BCL2L11: variants seen among roughly 807,000 people sequenced by gnomAD.
The protein encoded by BCL2L11 is BCL2 like 11.
In BCL2L11, 15 loss-of-function variants were observed where a neutral mutation model predicts 20.6. The observed-to-expected ratio is 0.73, with a 90% CI of 0.49 to 1.12. The LOEUF (loss-of-function observed/expected upper bound fraction) is 1.12. BCL2L11 is among the 50% of genes most tolerant of loss of function. The pLI is 0.00. For missense variants in BCL2L11, 292 were observed against 260.9 expected (o/e 1.12, Z -0.82); for synonymous variants, 108 against 92.8 (o/e 1.16, Z -0.94).
Position 111,164,388 on chromosome 2 carries a change from C to A in BCL2L11, c.*157C>A. The A allele has an allele frequency of 1.7e-6, 1 of 599,804 alleles. No homozygotes were observed. The highest frequency in any genetic ancestry group is 3.0e-6 in the Non-Finnish European group (1 of 328,878). The allele number at this position is 599,804 out of a possible 1,614,324, so 37.2% of individuals were successfully genotyped here. On this transcript the variant is annotated 3_prime_UTR_variant, in exon 4 of 4. Coordinates refer to ENST00000393256, the MANE Select transcript of BCL2L11 (RefSeq NM_138621.5). ...TCAGAAGACACCGAGCTGGATGGGA[C>A]TACCTTTCTGTTCATCACCACACAG...
rs921923347 is a variant in BCL2L11 at position 111,161,442 on chromosome 2, A to G, written c.499-2691A>G. On this transcript the variant is annotated intron_variant, in intron 3 of 3. Transcript: ENST00000393256. ...AGATGCCTCTTCCACCTGATTAAGA[A>G]CCACTGTAGCAGACGCAGACTTATT... 1.9e-6 allele frequency: 3 copies of G among 1,550,446 alleles called. No individual in the cohort carries two copies. In the African/African-American group the frequency reaches 4.1e-5, roughly 21 times the overall value.
At chr2:111,155,559 TCCC>T (rs1387080676) in intron 3 of BCL2L11, among the ~76,000 whole-genome samples, 1 of 152,148 alleles carries the variant, frequency 6.6e-6, no homozygotes, top group Non-Finnish European at 1.5e-5. Context: ...CCAACATGCC[TCCC>T]TCTTTCCCCT....
At chr2:111,138,888 A>G (rs2075355282) in intron 2 of BCL2L11, among the ~76,000 whole-genome samples, 1 of 152,128 alleles carries the variant, frequency 6.6e-6, no homozygotes, top group South Asian at 2.1e-4. Context: ...GAGTTTTTCC[A>G]TAAGCAAATC....
At position 111,153,980 on chromosome 2, in the gene BCL2L11, G is replaced by A. The variant is rs2077533925; in HGVS notation, c.498+3833G>A. ...CATTCCCAGGTGAACCTGCCGGGCT[G>A]AACGGCCTGGCCCCTCTATTCAGTC... On this transcript the variant is annotated intron_variant, in intron 3 of 3. Transcript: ENST00000393256. 4.3e-6 allele frequency: 6 copies of A among 1,403,132 alleles called. No homozygotes were observed. In the South Asian group the frequency reaches 8.1e-5, roughly 19 times the overall value. 86.9% of individuals were successfully genotyped at this position (1,403,132 alleles called of 1,614,324 possible).
chr2:111,165,938 CT>C lies in BCL2L11; in HGVS notation c.*1712del, dbSNP rs1465161481. On this transcript the variant is annotated 3_prime_UTR_variant, in exon 4 of 4. Transcript: ENST00000393256. ...TATATATGTATATATTGCATATTCACTTTTTCCTTTAGGTAGAGATGATTTC... is the reference window on the plus strand; with the variant it reads ...TATATATGTATATATTGCATATTCACTTTTCCTTTAGGTAGAGATGATTTC... The C allele has an allele frequency of 1.3e-5, 2 of 152,168 alleles. No homozygotes were observed. The highest frequency in any genetic ancestry group is 3.8e-4 in the East Asian group (2 of 5,196). 9.4% of individuals were successfully genotyped at this position (152,168 alleles called of 1,614,324 possible).
rs2150619843 is a variant in BCL2L11, at chr2:111,166,258, A to AG, written c.*2028dup. 6.5e-6 allele frequency: 1 copy of AG among 152,928 alleles called. No individual in the cohort carries two copies. The highest frequency in any genetic ancestry group is 2.1e-4 in the South Asian group (1 of 4,836). 9.5% of individuals were successfully genotyped at this position (152,928 alleles called of 1,614,324 possible). Reference sequence around the variant, plus strand: ...CTTTACTCTGTTTCCTCAGCCCTGCAGCCCCTGGGAGCACACACTGGGTGC... The same window carrying AG: ...CTTTACTCTGTTTCCTCAGCCCTGCAGGCCCCTGGGAGCACACACTGGGTGC... On this transcript the variant is annotated 3_prime_UTR_variant, in exon 4 of 4. Coordinates refer to ENST00000393256, the MANE Select transcript of BCL2L11 (RefSeq NM_138621.5).
chr2:111,133,237 G>T (rs1225701293), intron 2 of BCL2L11, among the ~76,000 whole-genome samples: 1 of 152,218 alleles, frequency 6.6e-6, no homozygotes, highest in Non-Finnish European at 1.5e-5. Flanking sequence ...TAGAATGGCA[G>T]CCTGCCAAAC....
chr2:111,144,666 C>A (rs1171862754), intron 2 of BCL2L11: 18 of 1,114,830 alleles, frequency 1.6e-5, no homozygotes, highest in Admixed American at 2.7e-5. Flanking sequence ...TGGAATTTTT[C>A]TTTCTCTAAA....
chr2:111,128,206 C>T lies in BCL2L11; in HGVS notation c.394+4067C>T, dbSNP rs72948329. ...GAAATTTATATAGTATTTGCTCTTC[C>T]ATGACAGGCTTATTTCACTTAGCGT... On this transcript the variant is annotated intron_variant, in intron 2 of 3. Coordinates refer to ENST00000393256, the MANE Select transcript of BCL2L11 (RefSeq NM_138621.5). Among the ~76,000 whole-genome samples, 490 of 152,222 alleles carry T rather than the reference C, an allele frequency of 3.2e-3. 4 individuals are homozygous for T. The highest frequency in any genetic ancestry group is 0.011 in the African/African-American group (467 of 41,548).
chr2:111,158,980 T>G (rs1381544736), intron 3 of BCL2L11, among the ~76,000 whole-genome samples: 1 of 152,230 alleles, frequency 6.6e-6, no homozygotes, highest in African/African-American at 2.4e-5. Flanking sequence ...GCCCAGTGGG[T>G]GTCAGCCCTG....
chr2:111,124,082 T>A lies in BCL2L11; in HGVS notation c.337T>A (p.Ser113Thr), dbSNP rs766706600. ...RSPAPMSCDK[S>T]TQTPSPPCQA... ...CCCAGCACCCATGAGTTGTGACAAA[T>A]CAACACAAACCCCAAGTCCTCCTTG... is the stretch of plus-strand genomic sequence containing the variant. The change falls in exon 2 of 4, where the codon TCA (serine) becomes ACA (threonine). Residue 113 changes from serine to threonine, a missense_variant. By Grantham distance (58) the Ser-to-Thr change is moderately conservative. Transcript: ENST00000393256. 1 of 1,614,062 alleles carries A rather than the reference T, an allele frequency of 6.2e-7. No homozygotes were observed. The highest frequency in any genetic ancestry group is 8.5e-7 in the Non-Finnish European group (1 of 1,180,004).
At chr2:111,142,376 G>C in intron 2 of BCL2L11, 1 of 1,550,452 alleles carries the variant, frequency 6.4e-7, no homozygotes, top group Non-Finnish European at 8.7e-7. Flanking sequence ...CCACTCAAGT[G>C]GTTAGCAAAA....
rs201362310 is a variant in BCL2L11, at chr2:111,139,225, G to C, written c.395-10819G>C. Among the ~76,000 whole-genome samples, 14 of 152,266 alleles carry C rather than the reference G, an allele frequency of 9.2e-5. No homozygotes were observed. In the East Asian group the frequency reaches 2.7e-3, roughly 29 times the overall value. On this transcript the variant is annotated intron_variant, in intron 2 of 3. Coordinates refer to ENST00000393256, the MANE Select transcript of BCL2L11 (RefSeq NM_138621.5). Reference sequence around the variant, plus strand: ...CAGTGAACCAAACATCACCTGAGAAGAACCTCAGCTTCTTGGGTAAATCAT... The same window carrying C: ...CAGTGAACCAAACATCACCTGAGAACAACCTCAGCTTCTTGGGTAAATCAT...
In BCL2L11 at chr2:111,150,026, T is replaced by C; in HGVS notation, c.395-18T>C. The C allele has an allele frequency of 6.2e-7, 1 of 1,608,522 alleles. No individual in the cohort carries two copies. Among genetic ancestry groups the C allele is most frequent in the Admixed American group, 1.7e-5 (1 of 59,892 alleles). ...GTGGACCACAATGTGATTTTTGTTT[T>C]GTTTTGTTCTGATGCAGCTTCCATG... On this transcript the variant is annotated intron_variant, in intron 2 of 3. Coordinates refer to ENST00000393256, the MANE Select transcript of BCL2L11 (RefSeq NM_138621.5).
At chr2:111,151,012 C>G (rs1286587437) in intron 3 of BCL2L11, among the ~76,000 whole-genome samples, 1 of 152,168 alleles carries the variant, frequency 6.6e-6, no homozygotes, top group African/African-American at 2.4e-5. Context: ...TCAAGTGATT[C>G]TCCTGCCTCA....
At chr2:111,125,300 A>G (rs533573990) in intron 2 of BCL2L11, among the ~76,000 whole-genome samples, 20 of 152,346 alleles carry the variant, frequency 1.3e-4, no homozygotes, top group African/African-American at 4.8e-4. Flanking sequence ...CTTTGGGTAC[A>G]TACTTTGGGT....
At position 111,164,555 on chromosome 2, in the gene BCL2L11, T is replaced by A; in HGVS notation, c.*324T>A. 1 of 199,070 alleles carries A rather than the reference T, an allele frequency of 5.0e-6. No homozygotes were observed. The highest frequency in any genetic ancestry group is 2.3e-5 in the African/African-American group (1 of 43,544). 12.3% of individuals were successfully genotyped at this position (199,070 alleles called of 1,614,324 possible). A position where few individuals can be genotyped will look rare whatever the true frequency, so the allele number is the denominator to read the frequency against. On this transcript the variant is annotated 3_prime_UTR_variant, in exon 4 of 4. Transcript: ENST00000393256. ...AGTGTGTTTTCCCCCTCACCTTCAA[T>A]AAGGTTTTTCAAAAAGGAAATGGAA...
At chr2:111,127,010 T>C (rs942742894) in intron 2 of BCL2L11, among the ~76,000 whole-genome samples, 1 of 93,362 alleles carries the variant, frequency 1.1e-5, no homozygotes, top group Admixed American at 8.0e-5. Flanking sequence ...TGTTTTCATA[T>C]TTTCCTTTTA....
At chr2:111,158,592 T>G (rs1345963144) in intron 3 of BCL2L11, among the ~76,000 whole-genome samples, 1 of 151,740 alleles carries the variant, frequency 6.6e-6, no homozygotes, top group Non-Finnish European at 1.5e-5. Flanking sequence ...AAAAATAAGT[T>G]TCAGGACATC....
Sources: allele counts gnomAD v4.1 joint callset (sites outside exome capture counted in the v4.1 genomes callset), GRCh38; gene constraint gnomAD v4.1.1; transcripts MANE v1.5; gene names NCBI Gene and HGNC (gene_info 2026-07-23, HGNC 2026-07-21).